SLC2A12: variants seen among roughly 807,000 people sequenced by gnomAD.
SLC2A12 encodes the protein solute carrier family 2 member 12.
In SLC2A12, 23 loss-of-function variants were observed where a neutral mutation model predicts 41.8. The observed-to-expected ratio is 0.55, with a 90% confidence interval of 0.40 to 0.78. The LOEUF (loss-of-function observed/expected upper bound fraction) is 0.78. Among genes scored for constraint, SLC2A12 ranks in the 30% least tolerant of loss-of-function variants. The probability of loss-of-function intolerance (pLI) is 0.00; values close to 1 mark genes in which losing one functional copy is unlikely to be tolerated. For missense variants in SLC2A12, 654 were observed against 745.6 expected, an observed-to-expected ratio of 0.88 and a Z score of 1.43; for synonymous variants, 295 against 285.9, an observed-to-expected ratio of 1.03 and a Z score of -0.32.
At chr6:134,020,149 A>C (rs745468095) in intron 2 of SLC2A12, among the ~76,000 whole-genome samples, 1 of 152,226 alleles carries the variant, frequency 6.6e-6, no homozygotes, top group Non-Finnish European at 1.5e-5. Context: ...GACGTGGGGC[A>C]TCCACTTTAA....
rs1776577860 is a variant in SLC2A12 at position 133,988,898 on chromosome 6, C to T, written c.*2257G>A. ...AAGTCACCTCCTGTTTTTCAATGTT[C>T]ACCAAAAAAAGAAACATAGAATAGG... On this transcript the variant is annotated 3_prime_UTR_variant, in exon 5 of 5. Transcript: ENST00000275230. 1 of 151,850 alleles carries T rather than the reference C, an allele frequency of 6.6e-6. No individual in the cohort carries two copies. Among genetic ancestry groups the T allele is most frequent in the South Asian group, 2.1e-4 (1 of 4,820 alleles). 9.4% of individuals were successfully genotyped at this position (151,850 alleles called of 1,614,324 possible).
Position 133,991,002 on chromosome 6 carries a change from G to T in SLC2A12, c.*153C>A. 1 of 828,294 alleles carries T rather than the reference G, an allele frequency of 1.2e-6. No individual in the cohort carries two copies. The highest frequency in any genetic ancestry group is 1.7e-5 in the African/African-American group (1 of 57,652). 51.3% of individuals were successfully genotyped at this position (828,294 alleles called of 1,614,324 possible). On this transcript the variant is annotated 3_prime_UTR_variant, in exon 5 of 5. Coordinates refer to ENST00000275230, the MANE Select transcript of SLC2A12 (RefSeq NM_145176.3). The stretch of plus-strand genomic sequence containing the variant: ...TTGAGGTTCCTTCTGGGGAGGAGGG[G>T]GATTAAAGGCTGTCTTTATCATTTC...
intron 4 of SLC2A12, among the ~76,000 whole-genome samples, chr6:133,997,085 CAAAAAA>C (rs58295985): frequency 4.9e-4 from 35 of 70,716 alleles, no homozygotes; most frequent in African/African-American, 1.8e-3. Flanking sequence ...ACTAAAAATA[CAAAAAA>C]AAAAAAAAAA....
At chr6:133,994,871 G>A (rs1776667783) in intron 4 of SLC2A12, among the ~76,000 whole-genome samples, 1 of 152,190 alleles carries the variant, frequency 6.6e-6, no homozygotes, top group Non-Finnish European at 1.5e-5. Context: ...ATAACCAGGG[G>A]ACGGGTCGCA....
chr6:134,030,718 C>T (rs114173390), intron 1 of SLC2A12, among the ~76,000 whole-genome samples: 284 of 152,284 alleles, frequency 1.9e-3, no homozygotes, highest in African/African-American at 6.6e-3. Context: ...CAACATATAA[C>T]ATGTGGGGCA....
intron 2 of SLC2A12, among the ~76,000 whole-genome samples, chr6:134,024,545 T>A (rs1777088705): frequency 6.6e-6 from 1 of 152,148 alleles, no homozygotes; most frequent in Admixed American, 6.6e-5. Context: ...CAGTCCTAAT[T>A]CCCTGCTGCA....
At position 134,043,402 on chromosome 6, in the gene SLC2A12, G is replaced by A. The variant is rs538805282; in HGVS notation, c.103+8976C>T. On this transcript the variant is annotated intron_variant, in intron 1 of 4. Coordinates refer to ENST00000275230, the MANE Select transcript of SLC2A12 (RefSeq NM_145176.3). ...AACTATTTTTATTTTAAAATTAAAAGAATGGTGACACCATAAAGCTGTAGA... is the reference window on the plus strand; with the variant it reads ...AACTATTTTTATTTTAAAATTAAAAAAATGGTGACACCATAAAGCTGTAGA... Among the ~76,000 whole-genome samples the A allele has an allele frequency of 8.5e-4, 130 of 152,232 alleles. 1 individual carries two copies. Among genetic ancestry groups the A allele is most frequent in the Admixed American group, 8.1e-3 (124 of 15,296 alleles).
chr6:134,006,780 A>G, intron 3 of SLC2A12, 32 bp downstream of exon 3: 1 of 1,612,954 alleles, frequency 6.2e-7, no homozygotes, highest in Non-Finnish European at 8.5e-7. Context: ...TACGAGGACC[A>G]AAGACATTAG....
intron 2 of SLC2A12, among the ~76,000 whole-genome samples, chr6:134,010,670 T>C (rs1776868423): frequency 6.6e-6 from 1 of 152,112 alleles, no homozygotes; most frequent in African/African-American, 2.4e-5. Flanking sequence ...ATATTTCACA[T>C]GGTATTAAAT....
At chr6:134,048,591 C>A (rs950365475) in intron 1 of SLC2A12, among the ~76,000 whole-genome samples, 7 of 152,184 alleles carry the variant, frequency 4.6e-5, no homozygotes, top group East Asian at 3.9e-4. Context: ...ACAACAACAA[C>A]AAAAAAACCT....
intron 4 of SLC2A12, among the ~76,000 whole-genome samples, chr6:133,994,611 C>G (rs1216526470): frequency 6.6e-6 from 1 of 152,072 alleles, no homozygotes; most frequent in Non-Finnish European, 1.5e-5. Context: ...ACCTGTAGTC[C>G]CAGCTACTCG....
intron 1 of SLC2A12, among the ~76,000 whole-genome samples, chr6:134,043,777 C>G (rs1157512873): frequency 2.2e-5 from 3 of 135,654 alleles, no homozygotes; most frequent in African/African-American, 5.6e-5. Flanking sequence ...GGCGACAGAG[C>G]GAGACTCTGT....
chr6:134,016,990 G>A (rs1776970659), intron 2 of SLC2A12, among the ~76,000 whole-genome samples: 1 of 121,818 alleles, frequency 8.2e-6, no homozygotes, highest in Admixed American at 8.3e-5. Context: ...CAATCTTTTT[G>A]GTAAAAAGTT....
At chr6:134,046,584 T>C (rs1484050394) in intron 1 of SLC2A12, among the ~76,000 whole-genome samples, 2 of 152,104 alleles carry the variant, frequency 1.3e-5, no homozygotes, top group Non-Finnish European at 2.9e-5. Context: ...GTGAATTGCT[T>C]GAGGCCAGGA....
chr6:134,016,341 G>A (rs756189378), intron 2 of SLC2A12, among the ~76,000 whole-genome samples: 26 of 151,914 alleles, frequency 1.7e-4, no homozygotes, highest in Non-Finnish European at 3.1e-4. Flanking sequence ...GAAGACATCC[G>A]GGTAGCTTAC....
At chr6:134,029,838 C>T (rs1251790881) in intron 1 of SLC2A12, 117 bp from the exon 2 acceptor site, 2 of 1,238,278 alleles carry the variant, frequency 1.6e-6, no homozygotes, top group East Asian at 2.4e-5. Context: ...TTTAAACGAA[C>T]ACACAATTAT....
chr6:134,032,405 A>AATATATAT (rs1170558623), intron 1 of SLC2A12, among the ~76,000 whole-genome samples: 1 of 118,068 alleles, frequency 8.5e-6, no homozygotes, highest in African/African-American at 4.5e-5. Context: ...TACAGGGAGA[A>AATATATAT]ATATATATAT....
intron 2 of SLC2A12, among the ~76,000 whole-genome samples, chr6:134,028,033 G>A (rs1045058151): frequency 6.6e-6 from 1 of 152,096 alleles, no homozygotes; most frequent in South Asian, 2.1e-4. Flanking sequence ...GAAACTCAGA[G>A]ATGATATAGA....
intron 4 of SLC2A12, among the ~76,000 whole-genome samples, chr6:133,994,612 C>T (rs1296600146): frequency 6.6e-6 from 1 of 152,102 alleles, no homozygotes; most frequent in African/African-American, 2.4e-5. Flanking sequence ...CCTGTAGTCC[C>T]AGCTACTCGG....
Sources: gnomAD v4.1 joint callset for allele counts (sites outside exome capture counted in the v4.1 genomes callset) on GRCh38, gnomAD v4.1.1 for gene constraint, MANE v1.5 for transcripts, NCBI Gene and HGNC (gene_info 2026-07-23, HGNC 2026-07-21) for gene names.